Variants in THSD4 observed in about 807,000 individuals in gnomAD.
THSD4 encodes thrombospondin type-1 domain-containing protein 4.
In THSD4, 69 loss-of-function variants were observed where a neutral mutation model predicts 119.0. That is an observed-to-expected ratio of 0.58 (90% CI 0.48 to 0.71). The LOEUF (loss-of-function observed/expected upper bound fraction) is 0.71. Among genes scored for constraint, THSD4 ranks in the 30% least tolerant of loss-of-function variants. The pLI is 0.00. For synonymous variants in THSD4, 524 were observed against 540.4 expected (o/e 0.97, Z 0.42); for missense variants, 1,393 against 1,391.1 (o/e 1.00, Z -0.02).
chr15:71,284,826 A>C (rs547092770), intron 6 of THSD4, among the ~76,000 whole-genome samples: 2 of 152,166 alleles, frequency 1.3e-5, no homozygotes, highest in Non-Finnish European at 2.9e-5. Context: ...TTGTTTTCTC[A>C]TTAAAAAAAA....
chr15:71,502,111 T>C (rs1333781977), intron 7 of THSD4, among the ~76,000 whole-genome samples: 1 of 152,222 alleles, frequency 6.6e-6, no homozygotes, highest in Non-Finnish European at 1.5e-5. Flanking sequence ...TCCAGAACAT[T>C]TGTGGGAACT....
chr15:71,366,733 G>A (rs1016227288), intron 6 of THSD4, among the ~76,000 whole-genome samples: 30 of 151,990 alleles, frequency 2.0e-4, no homozygotes, highest in Non-Finnish European at 7.4e-5. Flanking sequence ...TATTTGCTCC[G>A]ATCATCTCCA....
intron 6 of THSD4, among the ~76,000 whole-genome samples, chr15:71,373,604 T>C (rs1213240982): frequency 6.6e-6 from 1 of 152,226 alleles, no homozygotes; most frequent in Admixed American, 6.5e-5. Context: ...AAGCTTTCCT[T>C]CAGCTTCTAA....
intron 7 of THSD4, among the ~76,000 whole-genome samples, chr15:71,457,612 G>A (rs1025244621): frequency 6.6e-6 from 1 of 152,090 alleles, no homozygotes; most frequent in East Asian, 1.9e-4. Context: ...CCAAGCCTAT[G>A]TCTGCCTCAG....
At chr15:71,395,619 T>C (rs1213917985) in intron 6 of THSD4, among the ~76,000 whole-genome samples, 3 of 152,034 alleles carry the variant, frequency 2.0e-5, no homozygotes, top group Admixed American at 1.3e-4. Flanking sequence ...TGCATGCCTA[T>C]AATCCCAGCT....
intron 6 of THSD4, among the ~76,000 whole-genome samples, chr15:71,395,954 A>ACACACACAC (rs1566968379): frequency 5.7e-4 from 62 of 108,678 alleles, no homozygotes; most frequent in African/African-American, 1.7e-3. Flanking sequence ...CACACACACA[A>ACACACACAC]ACACAGACTT....
intron 4 of THSD4, among the ~76,000 whole-genome samples, chr15:71,240,798 T>TACAC (rs58462444): frequency 0.016 from 2,295 of 145,564 alleles, 24 homozygotes; most frequent in African/African-American, 0.024. Context: ...TATATGTGTA[T>TACAC]ACACACACAC....
chr15:71,590,736 G>C (rs1225322947), intron 7 of THSD4, among the ~76,000 whole-genome samples: 1 of 152,118 alleles, frequency 6.6e-6, no homozygotes, highest in Non-Finnish European at 1.5e-5. Context: ...AGGCACGATG[G>C]CTCACGCCTG....
At chr15:71,504,368 A>G (rs371501150) in intron 7 of THSD4, among the ~76,000 whole-genome samples, 13 of 152,358 alleles carry the variant, frequency 8.5e-5, no homozygotes, top group African/African-American at 2.9e-4. Context: ...AATAGTCACC[A>G]CTGTTGATTT....
intron 3 of THSD4, among the ~76,000 whole-genome samples, chr15:71,174,465 A>C (rs1374024129): frequency 1.8e-3 from 252 of 140,528 alleles, no homozygotes; most frequent in African/African-American, 6.5e-3. Flanking sequence ...ACTATATCCC[A>C]CACCTGGCTC....
At chr15:71,430,207 A>G (rs2046923343) in intron 7 of THSD4, among the ~76,000 whole-genome samples, 1 of 152,194 alleles carries the variant, frequency 6.6e-6, no homozygotes, top group African/African-American at 2.4e-5. Flanking sequence ...GAAAAACTCA[A>G]AAACAATGAA....
chr15:71,552,962 T>C (rs1413736775), intron 7 of THSD4, among the ~76,000 whole-genome samples: 1 of 152,206 alleles, frequency 6.6e-6, no homozygotes, highest in Non-Finnish European at 1.5e-5. Context: ...TAAAAACTAT[T>C]GTAAAAACAA....
At chr15:71,204,611 A>G (rs912315095) in intron 3 of THSD4, among the ~76,000 whole-genome samples, 4 of 152,212 alleles carry the variant, frequency 2.6e-5, no homozygotes, top group African/African-American at 4.8e-5. Context: ...GCCACAGACC[A>G]GCTGGCCTCA....
intron 7 of THSD4, among the ~76,000 whole-genome samples, chr15:71,414,112 T>C (rs889158323): frequency 6.6e-6 from 1 of 152,226 alleles, no homozygotes; most frequent in African/African-American, 2.4e-5. Flanking sequence ...ACAGATTTAC[T>C]GTGTGATTTT....
intron 8 of THSD4, among the ~76,000 whole-genome samples, chr15:71,688,330 A>C (rs1323964533): frequency 6.6e-6 from 1 of 152,220 alleles, no homozygotes; most frequent in Non-Finnish European, 1.5e-5. Flanking sequence ...ATTAGTCATC[A>C]CTGGGACCCA....
At chr15:71,659,526 C>T (rs994990355) in intron 7 of THSD4, among the ~76,000 whole-genome samples, 2 of 152,102 alleles carry the variant, frequency 1.3e-5, no homozygotes, top group East Asian at 1.9e-4. Flanking sequence ...ATCCTCCCAC[C>T]TTAGCCTCCC....
At chr15:71,124,038 G>A (rs953890476) in intron 1 of THSD4, among the ~76,000 whole-genome samples, 12 of 152,176 alleles carry the variant, frequency 7.9e-5, no homozygotes, top group African/African-American at 1.7e-4. Flanking sequence ...GCTGGTGGTC[G>A]TGGTTGTTGC....
At chr15:71,283,515 G>A (rs944359451) in intron 6 of THSD4, among the ~76,000 whole-genome samples, 18 of 152,194 alleles carry the variant, frequency 1.2e-4, no homozygotes, top group Admixed American at 9.2e-4. Flanking sequence ...CCTGAACCCA[G>A]CTCATTAAAG....
At chr15:71,685,830 A>AG (rs61410203) in intron 8 of THSD4, among the ~76,000 whole-genome samples, 25,575 of 152,110 alleles carry the variant, frequency 0.17, 2,461 homozygotes, top group East Asian at 0.39. Context: ...CATGAGTAAG[A>AG]GAAAAAAAGG....
Sources: gnomAD v4.1 joint callset for allele counts (sites outside exome capture counted in the v4.1 genomes callset) on GRCh38, gnomAD v4.1.1 for gene constraint, MANE v1.5 for transcripts, NCBI Gene and HGNC (gene_info 2026-07-23, HGNC 2026-07-21) for gene names.